UBAC2: variants seen among roughly 807,000 people sequenced by gnomAD.
The protein encoded by UBAC2 is ubiquitin-associated domain-containing protein 2.
UBAC2 carries 26 observed loss-of-function variants against 44.0 expected under a neutral mutation model. The observed-to-expected ratio is 0.59, with a 90% CI of 0.43 to 0.82. UBAC2 has a LOEUF of 0.82. Among genes scored for constraint, UBAC2 ranks in the 40% least tolerant of loss-of-function variants. The pLI is 0.00. For synonymous variants in UBAC2, 155 were observed against 154.3 expected, an observed-to-expected ratio of 1.00 and a Z score of -0.04; for missense variants, 329 against 419.4, an observed-to-expected ratio of 0.78 and a Z score of 1.88.
chr13:99,275,084 G>A (rs1331758778), intron 4 of UBAC2, among the ~76,000 whole-genome samples: 7 of 152,208 alleles, frequency 4.6e-5, no homozygotes, highest in African/African-American at 1.4e-4. Flanking sequence ...GTACCTAGGA[G>A]TGGAAAGCAG....
chr13:99,322,493 A>G (rs149706248), intron 6 of UBAC2, among the ~76,000 whole-genome samples: 1,833 of 152,296 alleles, frequency 0.012, 18 homozygotes, highest in Middle Eastern at 0.037. Flanking sequence ...TTCTTTTTAC[A>G]GTTCACACAT....
intron 4 of UBAC2, among the ~76,000 whole-genome samples, chr13:99,248,026 T>A (rs2043409991): frequency 6.6e-6 from 1 of 152,160 alleles, no homozygotes; most frequent in Non-Finnish European, 1.5e-5. Flanking sequence ...CCACCTGCTC[T>A]CTTGAGTCCC....
chr13:99,378,116 G>A (rs1278434036), intron 8 of UBAC2, among the ~76,000 whole-genome samples: 1 of 152,174 alleles, frequency 6.6e-6, no homozygotes, highest in African/African-American at 2.4e-5. Context: ...TTTTTCTGCA[G>A]CGTTAGCATC....
intron 4 of UBAC2, among the ~76,000 whole-genome samples, chr13:99,297,805 G>T (rs1274958480): frequency 6.7e-6 from 1 of 149,250 alleles, no homozygotes; most frequent in Non-Finnish European, 1.5e-5. Context: ...TATCGGTTTA[G>T]ATTAAAAAAA....
At chr13:99,374,208 T>A (rs549995646) in intron 8 of UBAC2, among the ~76,000 whole-genome samples, 7 of 152,320 alleles carry the variant, frequency 4.6e-5, no homozygotes, top group Admixed American at 4.6e-4. Context: ...AACATTGAGT[T>A]ACTTCAGGTT....
chr13:99,299,575 T>C (rs1414790501), intron 4 of UBAC2, among the ~76,000 whole-genome samples: 2 of 152,218 alleles, frequency 1.3e-5, no homozygotes, highest in African/African-American at 4.8e-5. Context: ...CTATTCAGAA[T>C]GTTCATTTCT....
chr13:99,310,750 A>T (rs1566496871), intron 4 of UBAC2, among the ~76,000 whole-genome samples: 1 of 152,040 alleles, frequency 6.6e-6, no homozygotes, highest in Non-Finnish European at 1.5e-5. Context: ...TTCTACCAGT[A>T]TTTTTTTTAG....
At chr13:99,332,374 C>T (rs1373390286) in intron 6 of UBAC2, among the ~76,000 whole-genome samples, 1 of 152,150 alleles carries the variant, frequency 6.6e-6, no homozygotes, top group African/African-American at 2.4e-5. Context: ...TGATTCCCTT[C>T]CTAAAAGGAT....
chr13:99,236,982 A>T (rs1358327849), intron 1 of UBAC2, among the ~76,000 whole-genome samples: 2 of 152,168 alleles, frequency 1.3e-5, no homozygotes, highest in Admixed American at 6.5e-5. Flanking sequence ...TCTTAAAAAA[A>T]AAAAATAAAA....
chr13:99,301,531 G>T (rs1045644690), intron 4 of UBAC2, among the ~76,000 whole-genome samples: 5 of 151,958 alleles, frequency 3.3e-5, no homozygotes, highest in Admixed American at 6.5e-5. Flanking sequence ...TTTTTCTCTA[G>T]AATGTATTTC....
intron 4 of UBAC2, among the ~76,000 whole-genome samples, chr13:99,310,373 T>C (rs1324872081): frequency 6.6e-6 from 1 of 152,246 alleles, no homozygotes; most frequent in Non-Finnish European, 1.5e-5. Flanking sequence ...TATAACCTGC[T>C]TTCTCTTTTC....
At chr13:99,360,673 T>C (rs570193869) in intron 7 of UBAC2, among the ~76,000 whole-genome samples, 67 of 152,300 alleles carry the variant, frequency 4.4e-4, no homozygotes, top group South Asian at 1.2e-3. Flanking sequence ...TTCTCCATCG[T>C]TGAAATCATT....
At chr13:99,329,673 G>A (rs1447461645) in intron 6 of UBAC2, among the ~76,000 whole-genome samples, 2 of 152,114 alleles carry the variant, frequency 1.3e-5, no homozygotes, top group East Asian at 1.9e-4. Flanking sequence ...GCCAACAATC[G>A]TGGCCTCCTG....
intron 6 of UBAC2, among the ~76,000 whole-genome samples, chr13:99,335,823 G>A (rs903643219): frequency 5.3e-5 from 8 of 152,078 alleles, no homozygotes; most frequent in African/African-American, 7.2e-5. Context: ...CCCCAGAGGC[G>A]CCATAGCTTC....
chr13:99,367,880 C>T lies in UBAC2; in HGVS notation c.901C>T (p.Pro301Ser). Residue 301 changes from proline (P) to serine (S), a missense_variant, in exon 8 of 9, where the codon CCC becomes TCC. By Grantham distance (74) the Pro-to-Ser change is moderately conservative. Coordinates refer to ENST00000403766, the MANE Select transcript of UBAC2 (RefSeq NM_001144072.2). ...CGGTCGGCAGTCTGAGCCAGCAGCGCCCCCTCTAGAAGTTTCTGAGGAACA... is the reference window on the plus strand; with the variant it reads ...CGGTCGGCAGTCTGAGCCAGCAGCGTCCCCTCTAGAAGTTTCTGAGGAACA... Reference protein sequence around the residue: ...QGGRQSEPAAPPLEVSEEQVA... With the variant: ...QGGRQSEPAASPLEVSEEQVA... 1 of 1,613,934 alleles carries T rather than the reference C, an allele frequency of 6.2e-7. No homozygotes were observed. The highest frequency in any genetic ancestry group is 8.5e-7 in the Non-Finnish European group (1 of 1,179,858).
intron 1 of UBAC2, among the ~76,000 whole-genome samples, chr13:99,220,805 A>T (rs1409548688): frequency 6.6e-6 from 1 of 152,068 alleles, no homozygotes; most frequent in Admixed American, 6.6e-5. Context: ...GTGCATAAGG[A>T]TTCACCATAT....
At chr13:99,308,262 A>C (rs1231843115) in intron 4 of UBAC2, among the ~76,000 whole-genome samples, 1 of 152,202 alleles carries the variant, frequency 6.6e-6, no homozygotes, top group Non-Finnish European at 1.5e-5. Context: ...GACATAGATA[A>C]CACCTGTGGC....
intron 8 of UBAC2, among the ~76,000 whole-genome samples, chr13:99,378,434 G>A (rs778549323): frequency 1.4e-4 from 22 of 152,214 alleles, no homozygotes; most frequent in Non-Finnish European, 2.9e-4. Flanking sequence ...GGCTGAGGCA[G>A]GAGAATGGCT....
At chr13:99,385,164 T>C in intron 8 of UBAC2, 64 bp from the exon 9 acceptor site, 1 of 1,237,138 alleles carries the variant, frequency 8.1e-7, no homozygotes, top group Non-Finnish European at 1.2e-6. Flanking sequence ...TGAAGAACAT[T>C]TGGGGCCCAG....
Sources: allele counts gnomAD v4.1 joint callset (sites outside exome capture counted in the v4.1 genomes callset), GRCh38; gene constraint gnomAD v4.1.1; transcripts MANE v1.5; gene names NCBI Gene and HGNC (gene_info 2026-07-23, HGNC 2026-07-21).